RALGAPA2: variants seen among roughly 807,000 people sequenced by gnomAD.
RALGAPA2 encodes Ral GTPase activating protein catalytic subunit alpha 2.
A neutral mutation model predicts 230.4 loss-of-function variants in RALGAPA2; 139 were observed. That is an observed-to-expected ratio of 0.60 (90% CI 0.53 to 0.69). RALGAPA2 has a LOEUF of 0.69. RALGAPA2 is among the 30% of genes least tolerant of loss of function. The pLI is 0.00. For missense variants in RALGAPA2, 2,163 were observed against 2,276.0 expected (o/e 0.95, Z 1.01); for synonymous variants, 847 against 837.8 (o/e 1.01, Z -0.19).
At chr20:20,705,411 T>C (rs770026960) in intron 1 of RALGAPA2, among the ~76,000 whole-genome samples, 9 of 152,038 alleles carry the variant, frequency 5.9e-5, no homozygotes, top group African/African-American at 1.4e-4. Context: ...TCTCACTATA[T>C]TGCCCAGGCT....
Position 20,601,801 on chromosome 20 carries a change from A to G in RALGAPA2, c.2084T>C (p.Phe695Ser). 6.2e-7 allele frequency: 1 copy of G among 1,613,592 alleles called. No homozygotes were observed. The highest frequency in any genetic ancestry group is 8.5e-7 in the Non-Finnish European group (1 of 1,179,686). ...PQKGTTVGRSFSLSWRSHPDV... is the reference protein window; with the variant it reads ...PQKGTTVGRSSSLSWRSHPDV... ...TGGGTGGCTCCGCCAGCTGAGAGAA[A>G]AGGACCTCCCCACGGTGGTTCCTTT... Residue 695 changes from phenylalanine to serine, a missense_variant, in exon 16 of 40, where the codon TTT (phenylalanine) becomes TCT (serine). Transcript: ENST00000202677.
At chr20:20,605,535 G>A in intron 14 of RALGAPA2, 123 bp from the exon 15 acceptor site, 1 of 794,004 alleles carries the variant, frequency 1.3e-6, no homozygotes, top group East Asian at 2.7e-5. Flanking sequence ...ACTTTTGGAA[G>A]TTGTTTTTCT....
chr20:20,634,696 T>C (rs1167068758), intron 9 of RALGAPA2, among the ~76,000 whole-genome samples: 2 of 152,198 alleles, frequency 1.3e-5, no homozygotes, highest in African/African-American at 4.8e-5. Context: ...ATCCCTGTTC[T>C]TGGGGACAAT....
intron 37 of RALGAPA2, among the ~76,000 whole-genome samples, chr20:20,419,382 T>C (rs911993081): frequency 6.6e-6 from 1 of 152,228 alleles, no homozygotes; most frequent in African/African-American, 2.4e-5. Context: ...AAGGTTGATA[T>C]AAAAGGTCTA....
At chr20:20,710,048 C>A (rs2069786962) in intron 1 of RALGAPA2, among the ~76,000 whole-genome samples, 1 of 152,034 alleles carries the variant, frequency 6.6e-6, no homozygotes, top group Admixed American at 6.6e-5. Flanking sequence ...TTTTACAGAG[C>A]AAAGAAACCG....
rs1184445524 is a variant in RALGAPA2, at chr20:20,712,618, C to T, written c.-138G>A. 1.7e-6 allele frequency: 2 copies of T among 1,192,326 alleles called. No homozygotes were observed. Among genetic ancestry groups the T allele is most frequent in the East Asian group, 4.0e-5 (1 of 25,030 alleles). The allele number at this position is 1,192,326 out of a possible 1,614,324, so 73.9% of individuals were successfully genotyped here. A position where few individuals can be genotyped will look rare whatever the true frequency, so the allele number is the denominator to read the frequency against. On this transcript the variant is annotated 5_prime_UTR_variant, in exon 1 of 40. Transcript: ENST00000202677. The surrounding 1 kb of genome is among the most constrained non-coding windows in gnomAD (Gnocchi z 5.5). Reference sequence around the variant, plus strand: ...GCCCCGCTGCTGCCGCCGCCGCCGCCGCCGCCGCCGCCTCAGCTGTGTCTC... The same window carrying T: ...GCCCCGCTGCTGCCGCCGCCGCCGCTGCCGCCGCCGCCTCAGCTGTGTCTC...
chr20:20,423,541 A>G (rs2060321309), intron 37 of RALGAPA2, among the ~76,000 whole-genome samples: 1 of 152,312 alleles, frequency 6.6e-6, no homozygotes, highest in African/African-American at 2.4e-5. Context: ...ACCTGCCTCA[A>G]AGGCACATGC....
Position 20,653,552 on chromosome 20 carries a change from A to G in RALGAPA2, c.306T>C (p.Phe102=). The change falls in exon 4 of 40, where the codon TTT becomes TTC. Residue 102 remains phenylalanine (F), a synonymous_variant. Transcript: ENST00000202677. Reference sequence around the variant, plus strand: ...TACCTATACTCTGGTAATGCCATCGAAAGAAAATTCGTTCAGGTAGAAACT... The same window carrying G: ...TACCTATACTCTGGTAATGCCATCGGAAGAAAATTCGTTCAGGTAGAAACT... ...ILQFLPERIF[F]RWHYQSIGST... 6.7e-7 allele frequency: 1 copy of G among 1,502,056 alleles called. No individual in the cohort carries two copies. The highest frequency in any genetic ancestry group is 9.0e-7 in the Non-Finnish European group (1 of 1,105,848). 93.0% of individuals were successfully genotyped at this position (1,502,056 alleles called of 1,614,324 possible). A position where few individuals can be genotyped will look rare whatever the true frequency, so the allele number is the denominator to read the frequency against.
chr20:20,470,127 C>T lies in RALGAPA2; in HGVS notation c.5495+2702G>A, dbSNP rs191607231. Among the ~76,000 whole-genome samples the T allele has an allele frequency of 2.0e-5, 3 of 152,264 alleles. No homozygotes were observed. In the East Asian group the frequency reaches 5.8e-4, roughly 29 times the overall value. ...TGCTGCAGAGTTCCAACTGTTAACTCAGCCAAGGGCTCCCAAATAAGAACT... is the reference window on the plus strand; with the variant it reads ...TGCTGCAGAGTTCCAACTGTTAACTTAGCCAAGGGCTCCCAAATAAGAACT... On this transcript the variant is annotated intron_variant, in intron 37 of 39. Transcript: ENST00000202677.
intron 1 of RALGAPA2, among the ~76,000 whole-genome samples, chr20:20,710,776 T>C (rs1015378992): frequency 6.6e-6 from 1 of 152,230 alleles, no homozygotes; most frequent in Non-Finnish European, 1.5e-5. Context: ...GATTCTGCCT[T>C]TATAAAATGT....
At chr20:20,683,898 G>C (rs183988703) in intron 1 of RALGAPA2, among the ~76,000 whole-genome samples, 1 of 152,152 alleles carries the variant, frequency 6.6e-6, no homozygotes, top group Non-Finnish European at 1.5e-5. Flanking sequence ...TCTATAACCA[G>C]ATGGACCCTC....
intron 23 of RALGAPA2, among the ~76,000 whole-genome samples, chr20:20,564,968 G>A (rs1315492055): frequency 6.6e-6 from 1 of 152,088 alleles, no homozygotes; most frequent in Non-Finnish European, 1.5e-5. Context: ...AACAAAGTTA[G>A]CCTTCTAAAG....
intron 1 of RALGAPA2, among the ~76,000 whole-genome samples, chr20:20,701,995 G>A (rs1431550262): frequency 3.3e-5 from 5 of 150,352 alleles, no homozygotes; most frequent in East Asian, 2.0e-4. Flanking sequence ...AGCCAAGATC[G>A]CACCACTGCA....
intron 37 of RALGAPA2, among the ~76,000 whole-genome samples, chr20:20,454,497 A>G (rs938319533): frequency 5.9e-5 from 9 of 152,348 alleles, no homozygotes; most frequent in African/African-American, 2.2e-4. Context: ...CTTTCTTCAG[A>G]TCAGCCCTTA....
At position 20,412,141 on chromosome 20, in the gene RALGAPA2, C is replaced by T; in HGVS notation, c.5503G>A (p.Glu1835Lys). 6.2e-7 allele frequency: 1 copy of T among 1,613,914 alleles called. No individual in the cohort carries two copies. The highest frequency in any genetic ancestry group is 8.5e-7 in the Non-Finnish European group (1 of 1,179,840). ...LIPLYQSFYE[E>K]RALYLEAIIQ... Reference sequence around the variant, plus strand: ...ATTGCTTCGAGATACAGAGCTCGCTCTTCATAGCTGCGGTAATCGGTTAAG... The same window carrying T: ...ATTGCTTCGAGATACAGAGCTCGCTTTTCATAGCTGCGGTAATCGGTTAAG... The change falls in exon 38 of 40, where the codon GAG becomes AAG. Residue 1835 changes from glutamate to lysine, a missense_variant. Coordinates refer to ENST00000202677, the MANE Select transcript of RALGAPA2 (RefSeq NM_020343.4).
At chr20:20,697,302 C>T (rs2069152952) in intron 1 of RALGAPA2, among the ~76,000 whole-genome samples, 1 of 151,958 alleles carries the variant, frequency 6.6e-6, no homozygotes, top group Non-Finnish European at 1.5e-5. Context: ...TGCACTCCAG[C>T]CTGGGTGACA....
chr20:20,613,239 A>G (rs1264248088), intron 13 of RALGAPA2, among the ~76,000 whole-genome samples: 1 of 152,196 alleles, frequency 6.6e-6, no homozygotes, highest in Non-Finnish European at 1.5e-5. Context: ...CTGCTCAAAG[A>G]GTGTAATAAA....
intron 23 of RALGAPA2, among the ~76,000 whole-genome samples, chr20:20,567,875 T>G (rs993534730): frequency 3.7e-5 from 4 of 109,346 alleles, no homozygotes; most frequent in African/African-American, 8.9e-5. Flanking sequence ...TAAAATAAAA[T>G]AAAATAAAAT....
At position 20,526,431 on chromosome 20, in the gene RALGAPA2, T is replaced by C. The variant is rs1015846186; in HGVS notation, c.3583-69A>G. ...AGGTGTATCGTTCTTAAGGACAAAA[T>C]AGTTATTTCTTCTCAGTTCCTTATA... is the stretch of plus-strand genomic sequence containing the variant. On this transcript the variant is annotated intron_variant, in intron 27 of 39. Transcript: ENST00000202677. 13 of 1,020,070 alleles carry C rather than the reference T, an allele frequency of 1.3e-5. 1 individual carries two copies. Among genetic ancestry groups the C allele is most frequent in the Non-Finnish European group, 5.7e-6 (4 of 700,150 alleles). 63.2% of individuals were successfully genotyped at this position (1,020,070 alleles called of 1,614,324 possible).
Sources: allele counts gnomAD v4.1 joint callset (sites outside exome capture counted in the v4.1 genomes callset), GRCh38; gene constraint gnomAD v4.1.1; non-coding constraint Gnocchi (gnomAD v3.1); transcripts MANE v1.5; gene names NCBI Gene and HGNC (gene_info 2026-07-23, HGNC 2026-07-21).